The following CHRM5 variants were observed in gnomAD, a reference collection of about 807,000 sequenced individuals.
CHRM5 encodes the protein muscarinic acetylcholine receptor M5.
A neutral mutation model predicts 39.0 loss-of-function variants in CHRM5; 18 were observed. That is an observed-to-expected ratio of 0.46 (90% CI 0.32 to 0.68). CHRM5 has a LOEUF of 0.68. CHRM5 is among the 30% of genes least tolerant of loss of function. The pLI is 0.04. For missense variants in CHRM5, 515 were observed against 651.1 expected (o/e 0.79, Z 2.28); for synonymous variants, 241 against 246.3 (o/e 0.98, Z 0.20).
intron 1 of CHRM5, among the ~76,000 whole-genome samples, chr15:34,032,132 A>C (rs1008458365): frequency 6.6e-6 from 1 of 152,186 alleles, no homozygotes; most frequent in Non-Finnish European, 1.5e-5. Flanking sequence ...AGAAATTACT[A>C]TGTGTCACTA....
intron 1 of CHRM5, among the ~76,000 whole-genome samples, chr15:34,018,866 G>A (rs918244688): frequency 4.1e-5 from 3 of 73,428 alleles, no homozygotes; most frequent in Admixed American, 1.7e-4. Context: ...GCTGATCAGT[G>A]CATTTATAAT....
At chr15:33,978,803 GA>G (rs1465843473) in intron 1 of CHRM5, among the ~76,000 whole-genome samples, 2 of 151,976 alleles carry the variant, frequency 1.3e-5, no homozygotes, top group Admixed American at 1.3e-4. Flanking sequence ...ATATTAGAAG[GA>G]TATATTAATA....
intron 2 of CHRM5, among the ~76,000 whole-genome samples, chr15:34,055,998 G>A (rs528245799): frequency 3.3e-5 from 5 of 152,190 alleles, no homozygotes; most frequent in African/African-American, 1.2e-4. Flanking sequence ...GATTACATGT[G>A]TGAGCCACCA....
At chr15:33,986,369 A>G (rs954090198) in intron 1 of CHRM5, among the ~76,000 whole-genome samples, 3 of 152,002 alleles carry the variant, frequency 2.0e-5, no homozygotes, top group Admixed American at 6.5e-5. Flanking sequence ...TCGGCCTCCC[A>G]AAGTGCTGGG....
At chr15:33,985,544 A>T (rs991602350) in intron 1 of CHRM5, among the ~76,000 whole-genome samples, 2 of 151,946 alleles carry the variant, frequency 1.3e-5, no homozygotes, top group African/African-American at 4.8e-5. Flanking sequence ...ATTCAGACAA[A>T]GAGCAGTCAG....
At chr15:33,985,709 GGTAA>G (rs1366781756) in intron 1 of CHRM5, among the ~76,000 whole-genome samples, 4 of 152,020 alleles carry the variant, frequency 2.6e-5, no homozygotes, top group Admixed American at 6.5e-5. Context: ...CTTAGTGTTT[GGTAA>G]GTAAGTACCT....
At chr15:34,027,336 G>A (rs899517229) in intron 1 of CHRM5, among the ~76,000 whole-genome samples, 6 of 151,888 alleles carry the variant, frequency 4.0e-5, no homozygotes, top group African/African-American at 7.3e-5. Context: ...CCAACATGGC[G>A]AAACTCTGTC....
chr15:33,988,248 T>A (rs1597317403), intron 1 of CHRM5, among the ~76,000 whole-genome samples: 3 of 152,238 alleles, frequency 2.0e-5, no homozygotes, highest in Admixed American at 2.0e-4. Flanking sequence ...ATAGTTTTTT[T>A]TAGTTTCAGA....
In CHRM5 at chr15:33,968,533, T is replaced by G. The variant is rs1490463296; in HGVS notation, c.-1025T>G. Reference sequence around the variant, plus strand: ...GTACGCTCACCGTCCAGAGACATGATAAAGCCGTACTTCCTTCTGGATTTT... The same window carrying G: ...GTACGCTCACCGTCCAGAGACATGAGAAAGCCGTACTTCCTTCTGGATTTT... On this transcript the variant is annotated 5_prime_UTR_variant, in exon 1 of 3. Coordinates refer to ENST00000383263, the MANE Select transcript of CHRM5 (RefSeq NM_012125.4). Among the ~76,000 whole-genome samples, 1 of 152,074 alleles carries G rather than the reference T, an allele frequency of 6.6e-6. No individual in the cohort carries two copies. Among genetic ancestry groups the G allele is most frequent in the African/African-American group, 2.4e-5 (1 of 41,436 alleles).
intron 1 of CHRM5, among the ~76,000 whole-genome samples, chr15:33,996,091 T>C (rs2140592768): frequency 6.6e-6 from 1 of 152,324 alleles, no homozygotes; most frequent in Non-Finnish European, 1.5e-5. Flanking sequence ...CGCAGCAGTC[T>C]GAGATAGACC....
chr15:34,042,976 G>A (rs1899535226), intron 1 of CHRM5, among the ~76,000 whole-genome samples: 4 of 151,938 alleles, frequency 2.6e-5, no homozygotes, highest in Admixed American at 6.6e-5. Flanking sequence ...GGCCAGGCGC[G>A]GTGGCTCACG....
intron 1 of CHRM5, among the ~76,000 whole-genome samples, chr15:34,034,258 G>A (rs767972632): frequency 2.6e-5 from 4 of 152,058 alleles, no homozygotes; most frequent in Non-Finnish European, 4.4e-5. Context: ...GCCTGGGCAA[G>A]ACAGTGAGAC....
intron 1 of CHRM5, among the ~76,000 whole-genome samples, chr15:33,993,669 C>T (rs74007656): frequency 0.023 from 3,559 of 152,178 alleles, 128 homozygotes; most frequent in African/African-American, 0.08. Context: ...ACATAAATAA[C>T]AATCATCCAG....
intron 1 of CHRM5, among the ~76,000 whole-genome samples, chr15:34,035,802 G>A (rs1051595393): frequency 1.6e-5 from 2 of 121,520 alleles, no homozygotes; most frequent in Non-Finnish European, 4.0e-5. Context: ...TAGTTAGTAA[G>A]TTAGTTATTT....
chr15:34,044,518 A>T (rs1310981822), intron 1 of CHRM5, among the ~76,000 whole-genome samples: 1 of 152,170 alleles, frequency 6.6e-6, no homozygotes, highest in Non-Finnish European at 1.5e-5. Context: ...GTACCTCCAG[A>T]TTCTCACATA....
At chr15:34,044,992 G>A (rs933055016) in intron 1 of CHRM5, among the ~76,000 whole-genome samples, 1 of 152,218 alleles carries the variant, frequency 6.6e-6, no homozygotes, top group Non-Finnish European at 1.5e-5. Context: ...AGCTTGCAGT[G>A]AGCCGAGATC....
intron 1 of CHRM5, among the ~76,000 whole-genome samples, chr15:34,031,168 A>ATTTTTTTTTT (rs34414446): frequency 5.3e-4 from 36 of 67,584 alleles, no homozygotes; most frequent in East Asian, 1.1e-3. Context: ...GCTTAGGTTA[A>ATTTTTTTTTT]TTTTTTTTTT....
chr15:34,043,195 C>T (rs1364556886), intron 1 of CHRM5, among the ~76,000 whole-genome samples: 2 of 149,600 alleles, frequency 1.3e-5, no homozygotes, highest in Non-Finnish European at 3.0e-5. Context: ...TGCAGTGAGC[C>T]GAGATCACAC....
chr15:33,977,498 G>T (rs922755628), intron 1 of CHRM5, among the ~76,000 whole-genome samples: 1 of 152,078 alleles, frequency 6.6e-6, no homozygotes, highest in Non-Finnish European at 1.5e-5. Flanking sequence ...CTATGACAGC[G>T]TGCTTTGATT....
Sources: allele counts gnomAD v4.1 joint callset (sites outside exome capture counted in the v4.1 genomes callset), GRCh38; gene constraint gnomAD v4.1.1; transcripts MANE v1.5; gene names NCBI Gene and HGNC (gene_info 2026-07-23, HGNC 2026-07-21).